The following GABBR1 variants were observed in gnomAD, a reference collection of about 807,000 sequenced individuals.
GABBR1 encodes gamma-aminobutyric acid type B receptor subunit 1.
A neutral mutation model predicts 117.7 loss-of-function variants in GABBR1; 35 were observed. That is an observed-to-expected ratio of 0.30 (90% CI 0.23 to 0.39). The LOEUF (loss-of-function observed/expected upper bound fraction) is 0.39. GABBR1 is among the 10% of genes least tolerant of loss of function. The pLI, the probability that GABBR1 is intolerant of heterozygous loss-of-function variation, is 1.00. For missense variants in GABBR1, 709 were observed against 1,241.8 expected (o/e 0.57, Z 6.45); for synonymous variants, 442 against 486.6 (o/e 0.91, Z 1.21).
rs1763858895 is a variant in GABBR1 at position 29,622,523 on chromosome 6, AG to A, written c.964-319del. The A allele has an allele frequency of 2.7e-6, 1 of 370,672 alleles. No homozygotes were observed. The highest frequency in any genetic ancestry group is 5.0e-6 in the Non-Finnish European group (1 of 200,662). The allele number at this position is 370,672 out of a possible 1,614,324, so 23.0% of individuals were successfully genotyped here. A position where few individuals can be genotyped will look rare whatever the true frequency, so the allele number is the denominator to read the frequency against. ...AACATAAAGGAACCAGGAAAAGACA[AG>A]GCAAGGACTGGGACAGACAGCATGA... On this transcript the variant is annotated intron_variant, in intron 8 of 22. Transcript: ENST00000377034. The surrounding 1 kb of genome is among the most constrained non-coding windows in gnomAD (Gnocchi z 4.6).
chr6:29,625,497 A>G (rs1202457509), intron 6 of GABBR1, among the ~76,000 whole-genome samples: 24 of 151,960 alleles, frequency 1.6e-4, no homozygotes, highest in Admixed American at 9.8e-4. Context: ...ACTATTCATC[A>G]CTGCAGATTC....
chr6:29,632,753 C>G lies in GABBR1; in HGVS notation c.-1+97G>C, dbSNP rs1041971736. The G allele has an allele frequency of 8.4e-7, 1 of 1,193,314 alleles. No individual in the cohort carries two copies. The highest frequency in any genetic ancestry group is 1.5e-5 in the South Asian group (1 of 67,210). 73.9% of individuals were successfully genotyped at this position (1,193,314 alleles called of 1,614,324 possible). On this transcript the variant is annotated intron_variant, in intron 1 of 22. Transcript: ENST00000377034. The surrounding 1 kb of genome is among the most constrained non-coding windows in gnomAD (Gnocchi z 5.8). Reference sequence around the variant, plus strand: ...CGCGGTTCCTCCTCTCCCCCAGCCCCGCTTCCCCCAGCTGGGCCCTGCGCC... The same window carrying G: ...CGCGGTTCCTCCTCTCCCCCAGCCCGGCTTCCCCCAGCTGGGCCCTGCGCC...
rs1382978877 is a variant in GABBR1 at position 29,608,643 on chromosome 6, A to G, written c.1950T>C (p.Asp650=). Residue 650 remains aspartate, a synonymous_variant, in exon 16 of 23, where the codon GAT becomes GAC. Transcript: ENST00000377034. The part of the protein sequence containing the change: ...ALAAVFPLGL[D]GYHIGRNQFP... ...ACTGGTTCCTCCCAATGTGGTAACC[A>G]TCGAGCCCCAGGGGGAAGACAGCAG... 1 of 1,613,066 alleles carries G rather than the reference A, an allele frequency of 6.2e-7. No individual in the cohort carries two copies. Among genetic ancestry groups the G allele is most frequent in the Admixed American group, 1.7e-5 (1 of 60,022 alleles).
chr6:29,629,312 T>C, intron 4 of GABBR1: 2 of 697,798 alleles, frequency 2.9e-6, no homozygotes, highest in Non-Finnish European at 5.2e-6. Flanking sequence ...TCTTCGATTT[T>C]TCATAGGACA....
At position 29,621,242 on chromosome 6, in the gene GABBR1, C is replaced by T. The variant is rs1562109417; in HGVS notation, c.1182G>A (p.Gly394=). The T allele has an allele frequency of 6.2e-7, 1 of 1,613,032 alleles. No individual in the cohort carries two copies. Among genetic ancestry groups the T allele is most frequent in the Non-Finnish European group, 8.5e-7 (1 of 1,180,010 alleles). ...TCTTGAACCAATTGTCAGCATACCACCCAATGAGGAACCAGACGTACTTCT... is the reference window on the plus strand; with the variant it reads ...TCTTGAACCAATTGTCAGCATACCATCCAATGAGGAACCAGACGTACTTCT... ...FGKKYVWFLI[G]WYADNWFKIY... Residue 394 remains glycine, a synonymous_variant, in exon 11 of 23, where the codon GGG becomes GGA. Transcript: ENST00000377034. The surrounding 1 kb of genome is among the most constrained non-coding windows in gnomAD (Gnocchi z 5.0).
rs1209854777 is a variant in GABBR1 at position 29,620,311 on chromosome 6, C to A, written c.1323+790G>T. On this transcript the variant is annotated intron_variant, in intron 11 of 22. Coordinates refer to ENST00000377034, the MANE Select transcript of GABBR1 (RefSeq NM_001470.4). The surrounding 1 kb of genome is among the most constrained non-coding windows in gnomAD (Gnocchi z 4.5). Reference sequence around the variant, plus strand: ...CTTTTTAAATCAAGCTATTTTGGGGCTTTACAACCATTAACTCACCCCTAA... The same window carrying A: ...CTTTTTAAATCAAGCTATTTTGGGGATTTACAACCATTAACTCACCCCTAA... 6.6e-6 allele frequency among the ~76,000 whole-genome samples: 1 copy of A among 152,224 alleles called. No individual in the cohort carries two copies. The highest frequency in any genetic ancestry group is 1.9e-4 in the East Asian group (1 of 5,200).
chr6:29,603,828 G>T, intron 22 of GABBR1, 112 bp from the exon 23 acceptor site: 2 of 708,758 alleles, frequency 2.8e-6, no homozygotes, highest in Non-Finnish European at 4.2e-6. Flanking sequence ...ACAGAAAAAT[G>T]TAGGGGGAGG....
chr6:29,603,457 G>T lies in GABBR1; in HGVS notation c.*86C>A, dbSNP rs966881790. The T allele has an allele frequency of 1.7e-6, 2 of 1,186,884 alleles. No individual in the cohort carries two copies. The highest frequency in any genetic ancestry group is 1.3e-5 in the South Asian group (1 of 76,682). The allele number at this position is 1,186,884 out of a possible 1,614,324, so 73.5% of individuals were successfully genotyped here. On this transcript the variant is annotated 3_prime_UTR_variant, in exon 23 of 23. Coordinates refer to ENST00000377034, the MANE Select transcript of GABBR1 (RefSeq NM_001470.4). ...GGATAGCATGTTCTTCCCAGCTGGG[G>T]ATGGGGACCCCCTGCTTCCTGAGTC...
In GABBR1 at chr6:29,627,448, A is replaced by ACCCCCCC; in HGVS notation, c.657+37_657+38insGGGGGGG. ...CAGCTGGCTGGCCCCCTGCCCCGCA[A>ACCCCCCC]GCCCCCACCTCCCACCCACCCCCAT... On this transcript the variant is annotated intron_variant, in intron 6 of 22. Coordinates refer to ENST00000377034, the MANE Select transcript of GABBR1 (RefSeq NM_001470.4). This position sits in a 1 kb window ranked among gnomAD's most constrained non-coding sequence, Gnocchi z 4.4. The ACCCCCCC allele has an allele frequency of 7.8e-7, 1 of 1,290,314 alleles. No individual in the cohort carries two copies. The highest frequency in any genetic ancestry group is 1.1e-6 in the Non-Finnish European group (1 of 920,198). 79.9% of individuals were successfully genotyped at this position (1,290,314 alleles called of 1,614,324 possible).
At position 29,613,543 on chromosome 6, in the gene GABBR1, G is replaced by T; in HGVS notation, c.1324-58C>A. Reference sequence around the variant, plus strand: ...AAATGTGTGTGGGTGTGGGGGAAGGGGTGCAATCCAATTCTGACTCAATCA... The same window carrying T: ...AAATGTGTGTGGGTGTGGGGGAAGGTGTGCAATCCAATTCTGACTCAATCA... On this transcript the variant is annotated intron_variant, in intron 11 of 22. Coordinates refer to ENST00000377034, the MANE Select transcript of GABBR1 (RefSeq NM_001470.4). The surrounding 1 kb of genome is among the most constrained non-coding windows in gnomAD (Gnocchi z 4.1). 6.4e-7 allele frequency: 1 copy of T among 1,573,950 alleles called. No individual in the cohort carries two copies. The highest frequency in any genetic ancestry group is 8.7e-7 in the Non-Finnish European group (1 of 1,155,748).
chr6:29,604,952 G>A lies in GABBR1; in HGVS notation c.2476C>T (p.Leu826=). ...AAGGCTGCATCCTGCTGGCTGGACA[G>A]AATCATGGTGACAGGAGCAGTGATG... is the stretch of plus-strand genomic sequence containing the variant. ...CLITAPVTMI[L]SSQQDAAFAF... is the part of the protein sequence containing the mutation. Residue 826 remains leucine (L), a synonymous_variant, in exon 21 of 23, where the codon CTG becomes TTG. Transcript: ENST00000377034. The surrounding 1 kb of genome is among the most constrained non-coding windows in gnomAD (Gnocchi z 5.3). 6.2e-7 allele frequency: 1 copy of A among 1,612,984 alleles called. No homozygotes were observed. Among genetic ancestry groups the A allele is most frequent in the Non-Finnish European group, 8.5e-7 (1 of 1,179,946 alleles).
Position 29,632,658 on chromosome 6 carries a change from G to T in GABBR1, c.-1+192C>A. The T allele has an allele frequency of 7.7e-7, 1 of 1,292,030 alleles. No homozygotes were observed. The highest frequency in any genetic ancestry group is 9.8e-7 in the Non-Finnish European group (1 of 1,018,560). 80.0% of individuals were successfully genotyped at this position (1,292,030 alleles called of 1,614,324 possible). On this transcript the variant is annotated intron_variant, in intron 1 of 22. Coordinates refer to ENST00000377034, the MANE Select transcript of GABBR1 (RefSeq NM_001470.4). This position sits in a 1 kb window ranked among gnomAD's most constrained non-coding sequence, Gnocchi z 5.8. Reference sequence around the variant, plus strand: ...CACCACCTCCTCTCCCCCGGCCCCCGCGGCTCGCAGAAGCCTGGCTTACCC... The same window carrying T: ...CACCACCTCCTCTCCCCCGGCCCCCTCGGCTCGCAGAAGCCTGGCTTACCC...
rs1764376574 is a variant in GABBR1 at position 29,627,349 on chromosome 6, A to C, written c.657+137T>G. 1 of 870,156 alleles carries C rather than the reference A, an allele frequency of 1.1e-6. No homozygotes were observed. Among genetic ancestry groups the C allele is most frequent in the African/African-American group, 1.7e-5 (1 of 58,428 alleles). The allele number at this position is 870,156 out of a possible 1,614,324, so 53.9% of individuals were successfully genotyped here. A position where few individuals can be genotyped will look rare whatever the true frequency, so the allele number is the denominator to read the frequency against. On this transcript the variant is annotated intron_variant, in intron 6 of 22. Transcript: ENST00000377034. The surrounding 1 kb of genome is among the most constrained non-coding windows in gnomAD (Gnocchi z 4.4). The stretch of plus-strand genomic sequence containing the variant: ...CCCCAAGCTCCTGCACCCCCAGCCC[A>C]TCTCCTGCCAGTCACACAAGGGAGG...
intron 14 of GABBR1, 61 bp downstream of exon 14, chr6:29,610,863 A>G (rs376915163): frequency 2.1e-6 from 3 of 1,420,174 alleles, no homozygotes; most frequent in East Asian, 4.5e-5. Flanking sequence ...ACTCAAAGGC[A>G]TGACTTTTTC....
In GABBR1 at chr6:29,630,247, A is replaced by C; in HGVS notation, c.475+211T>G. On this transcript the variant is annotated intron_variant, in intron 4 of 22. Transcript: ENST00000377034. This position sits in a 1 kb window ranked among gnomAD's most constrained non-coding sequence, Gnocchi z 4.9. ...GGAAGATTTTTTTAAAAGGTAAAGG[A>C]AGGAAGCCCCCAACCTACAGAGGAT... 4.3e-6 allele frequency: 2 copies of C among 464,350 alleles called. No individual in the cohort carries two copies. The allele number at this position is 464,350 out of a possible 1,614,324, so 28.8% of individuals were successfully genotyped here. A position where few individuals can be genotyped will look rare whatever the true frequency, so the allele number is the denominator to read the frequency against.
Position 29,612,583 on chromosome 6 carries a change from C to T in GABBR1, c.1598G>A (p.Arg533Gln). The change falls in exon 13 of 23, where the codon CGG (arginine) becomes CAG (glutamine). Residue 533 changes from arginine to glutamine, a missense_variant. By Grantham distance (43) the Arg-to-Gln change is conservative (BLOSUM62 1). This residue lies in a region of GABBR1 where 10 missense variants were observed against 53.6 expected (regional missense o/e 0.19). Transcript: ENST00000377034. Reference sequence around the variant, plus strand: ...CTGCTCGATAAGCGTCCATGCCATCCGAGAGCCGCTGGCATCAAACACCAC... The same window carrying T: ...CTGCTCGATAAGCGTCCATGCCATCTGAGAGCCGCTGGCATCAAACACCAC... Reference protein sequence around the residue: ...GHVVFDASGSRMAWTLIEQLQ... With the variant: ...GHVVFDASGSQMAWTLIEQLQ... The T allele has an allele frequency of 6.2e-7, 1 of 1,613,990 alleles. No individual in the cohort carries two copies. The highest frequency in any genetic ancestry group is 8.5e-7 in the Non-Finnish European group (1 of 1,179,982).
In GABBR1 at chr6:29,606,072, C is replaced by T. The variant is rs753096543; in HGVS notation, c.2311+319G>A. Reference sequence around the variant, plus strand: ...TTGCAATTTGTGACCATGAATCGAACAATGCTAATAAGGCCAAGGGGGATC... The same window carrying T: ...TTGCAATTTGTGACCATGAATCGAATAATGCTAATAAGGCCAAGGGGGATC... On this transcript the variant is annotated intron_variant, in intron 19 of 22. Transcript: ENST00000377034. The surrounding 1 kb of genome is among the most constrained non-coding windows in gnomAD (Gnocchi z 4.5). 4.9e-5 allele frequency: 26 copies of T among 529,126 alleles called. No individual in the cohort carries two copies. Among genetic ancestry groups the T allele is most frequent in the Non-Finnish European group, 8.7e-5 (26 of 297,788 alleles). 32.8% of individuals were successfully genotyped at this position (529,126 alleles called of 1,614,324 possible).
chr6:29,632,681 C>T lies in GABBR1; in HGVS notation c.-1+169G>A. ...CCGCGGCTCGCAGAAGCCTGGCTTA[C>T]CCACGCTCCCGGCATCGGCCGCCTC... On this transcript the variant is annotated intron_variant, in intron 1 of 22. Coordinates refer to ENST00000377034, the MANE Select transcript of GABBR1 (RefSeq NM_001470.4). The surrounding 1 kb of genome is among the most constrained non-coding windows in gnomAD (Gnocchi z 5.8). The T allele has an allele frequency of 6.9e-7, 1 of 1,439,214 alleles. No homozygotes were observed. Among genetic ancestry groups the T allele is most frequent in the Non-Finnish European group, 9.2e-7 (1 of 1,092,820 alleles). The allele number at this position is 1,439,214 out of a possible 1,614,324, so 89.2% of individuals were successfully genotyped here. A position where few individuals can be genotyped will look rare whatever the true frequency, so the allele number is the denominator to read the frequency against.
At position 29,605,635 on chromosome 6, in the gene GABBR1, G is replaced by C. The variant is rs1426416084; in HGVS notation, c.2373C>G (p.Thr791=). The C allele has an allele frequency of 6.2e-7, 1 of 1,613,006 alleles. No homozygotes were observed. The highest frequency in any genetic ancestry group is 1.1e-5 in the South Asian group (1 of 91,062). The change falls in exon 20 of 23, where the codon ACC becomes ACG. Residue 791 remains threonine, a synonymous_variant. Transcript: ENST00000377034. This position sits in a 1 kb window ranked among gnomAD's most constrained non-coding sequence, Gnocchi z 4.2. The stretch of plus-strand genomic sequence containing the variant: ...TGATCTTCTCAGTGGACACACTCTT[G>C]GTCTCATAAGCAAGGAAGATTCCCA... ...LLLGIFLAYE[T]KSVSTEKIND...
Sources: allele counts gnomAD v4.1 joint callset (sites outside exome capture counted in the v4.1 genomes callset), GRCh38; gene constraint gnomAD v4.1.1; regional missense constraint gnomAD v4.1.1; non-coding constraint Gnocchi (gnomAD v3.1); transcripts MANE v1.5; gene names NCBI Gene and HGNC (gene_info 2026-07-23, HGNC 2026-07-21).